The following RAB3GAP2 variants were observed in gnomAD, a reference collection of about 807,000 sequenced individuals.
RAB3GAP2 encodes RAB3 GTPase activating non-catalytic protein subunit 2, also known as rab3 GTPase-activating protein non-catalytic subunit.
A neutral mutation model predicts 185.3 loss-of-function variants in RAB3GAP2; 87 were observed. The ratio of observed to expected loss-of-function variants is 0.47; its 90% CI spans 0.39 to 0.56. RAB3GAP2 has a LOEUF of 0.56. Ranked by LOEUF, RAB3GAP2 falls within the 20% of genes least tolerant of loss-of-function variation. The pLI, the probability that RAB3GAP2 is intolerant of heterozygous loss-of-function variation, is 0.00. For missense variants in RAB3GAP2, 1,492 were observed against 1,638.2 expected (o/e 0.91, Z 1.54); for synonymous variants, 554 against 576.1 (o/e 0.96, Z 0.55).
Position 220,189,741 on chromosome 1 carries a change from A to T in RAB3GAP2, c.1741T>A (p.Leu581Ile). The T allele has an allele frequency of 6.5e-7, 1 of 1,539,090 alleles. No homozygotes were observed. Among genetic ancestry groups the T allele is most frequent in the Non-Finnish European group, 8.9e-7 (1 of 1,125,980 alleles). Reference protein sequence around the residue: ...LDLVETEIKELILDIKYPATK... With the variant: ...LDLVETEIKEIILDIKYPATK... The stretch of plus-strand genomic sequence containing the variant: ...GCAGGGTATTTAATATCAAGAATTA[A>T]TTCCTTTATTTCTGTTTCAACCAAA... Residue 581 changes from leucine (L) to isoleucine (I), a missense_variant, in exon 17 of 35, where the codon TTA (leucine) becomes ATA (isoleucine). Around this residue, in one of 5 missense-constraint regions of RAB3GAP2, gnomAD observed 681 missense variants for 689.1 expected, o/e 0.99. Transcript: ENST00000358951.
intron 4 of RAB3GAP2, chr1:220,211,385 T>C (rs1443364130): frequency 4.3e-6 from 2 of 466,052 alleles, no homozygotes; most frequent in Admixed American, 4.7e-5. Flanking sequence ...GCTAAGAACT[T>C]CAGCCTGCCT....
intron 2 of RAB3GAP2, among the ~76,000 whole-genome samples, chr1:220,227,333 G>T (rs1170739550): frequency 6.6e-6 from 1 of 152,082 alleles, no homozygotes; most frequent in Non-Finnish European, 1.5e-5. Context: ...ATCAGAATCA[G>T]AATCAACCTA....
chr1:220,204,601 A>G (rs1658925588), intron 8 of RAB3GAP2, among the ~76,000 whole-genome samples: 1 of 152,032 alleles, frequency 6.6e-6, no homozygotes, highest in Non-Finnish European at 1.5e-5. Context: ...TTTTTTTATT[A>G]TATTTTAAGT....
chr1:220,235,900 A>G (rs879381816), intron 1 of RAB3GAP2, among the ~76,000 whole-genome samples: 2 of 152,220 alleles, frequency 1.3e-5, no homozygotes, highest in South Asian at 2.1e-4. Context: ...CCCATTCTCA[A>G]TGCCCCTGAC....
At chr1:220,229,049 G>C (rs780031149) in intron 2 of RAB3GAP2, among the ~76,000 whole-genome samples, 88 of 152,152 alleles carry the variant, frequency 5.8e-4, no homozygotes, top group South Asian at 1.0e-3. Context: ...CCTAGATTTA[G>C]TATATCCTTG....
At chr1:220,220,077 C>T (rs1454572207) in intron 2 of RAB3GAP2, among the ~76,000 whole-genome samples, 1 of 152,196 alleles carries the variant, frequency 6.6e-6, no homozygotes, top group Non-Finnish European at 1.5e-5. Flanking sequence ...GGTAATTTCC[C>T]AAGCCACGCC....
At position 220,272,409 on chromosome 1, in the gene RAB3GAP2, G is replaced by C; in HGVS notation, c.-72C>G. On this transcript the variant is annotated 5_prime_UTR_variant, in exon 1 of 35. Transcript: ENST00000358951. Reference sequence around the variant, plus strand: ...CTGCCCCCTCCACCCCACTGCGGCCGCCACCGAGCCCCAATAGCTCTAGCC... The same window carrying C: ...CTGCCCCCTCCACCCCACTGCGGCCCCCACCGAGCCCCAATAGCTCTAGCC... 2.9e-6 allele frequency: 3 copies of C among 1,049,570 alleles called. No individual in the cohort carries two copies. Among genetic ancestry groups the C allele is most frequent in the Non-Finnish European group, 4.3e-6 (3 of 690,076 alleles). The allele number at this position is 1,049,570 out of a possible 1,614,324, so 65.0% of individuals were successfully genotyped here. A position where few individuals can be genotyped will look rare whatever the true frequency, so the allele number is the denominator to read the frequency against.
chr1:220,261,009 C>T (rs747416700), intron 1 of RAB3GAP2, among the ~76,000 whole-genome samples: 9 of 151,996 alleles, frequency 5.9e-5, no homozygotes, highest in Non-Finnish European at 1.3e-4. Context: ...GAGGTTTTAA[C>T]GTCTGAAAGG....
chr1:220,206,436 T>C (rs1461404111), intron 7 of RAB3GAP2, among the ~76,000 whole-genome samples: 7 of 152,196 alleles, frequency 4.6e-5, no homozygotes, highest in African/African-American at 1.7e-4. Context: ...TACTACTCAA[T>C]AGTATGTCAA....
chr1:220,254,692 G>T (rs1282924821), intron 1 of RAB3GAP2, among the ~76,000 whole-genome samples: 2 of 151,730 alleles, frequency 1.3e-5, no homozygotes, highest in African/African-American at 4.8e-5. Flanking sequence ...AATAAAAGGG[G>T]TAATAGCTCC....
At chr1:220,214,243 T>C (rs1455104808) in intron 2 of RAB3GAP2, among the ~76,000 whole-genome samples, 3 of 152,148 alleles carry the variant, frequency 2.0e-5, no homozygotes, top group Non-Finnish European at 2.9e-5. Context: ...ATTAAAAGAA[T>C]GTCACATAGT....
Position 220,254,312 on chromosome 1 carries a change from A to G in RAB3GAP2, c.115+17911T>C, listed in dbSNP as rs1011020676. On this transcript the variant is annotated intron_variant, in intron 1 of 34. Transcript: ENST00000358951. ...CCACAGTATGCCGAAATTCTTGCAG[A>G]TCATCCCGATGCACCCATGTCCCAG... The G allele has an allele frequency of 3.1e-6, 5 of 1,613,418 alleles. No individual in the cohort carries two copies. In the Admixed American group the frequency reaches 6.7e-5, roughly 22 times the overall value.
intron 9 of RAB3GAP2, among the ~76,000 whole-genome samples, chr1:220,198,318 T>G (rs1382211411): frequency 7.2e-5 from 11 of 152,198 alleles, no homozygotes; most frequent in African/African-American, 2.7e-4. Context: ...GACATAAAGC[T>G]TGGTCCAAAA....
rs370680755 is a variant in RAB3GAP2 at position 220,151,402 on chromosome 1, G to C, written c.4031C>G (p.Pro1344Arg). ...TLCTWLKAMD[P>R]QDLQNTEVPI... is the part of the protein sequence containing the mutation. ...CACTTCAGTGTTTTGAAGGTCCTGG[G>C]GGTCCTGCAAATGGGACACAAAAAT... The change falls in exon 35 of 35, where the codon CCC (proline) becomes CGC (arginine). Residue 1344 changes from proline (P) to arginine (R), a missense_variant. Pro to Arg is a moderately radical substitution (Grantham distance 103). Transcript: ENST00000358951. 2 of 1,613,918 alleles carry C rather than the reference G, an allele frequency of 1.2e-6. No homozygotes were observed. The highest frequency in any genetic ancestry group is 2.7e-5 in the African/African-American group (2 of 74,902).
intron 9 of RAB3GAP2, among the ~76,000 whole-genome samples, chr1:220,199,992 A>C (rs1192868182): frequency 6.6e-6 from 1 of 152,196 alleles, no homozygotes; most frequent in Non-Finnish European, 1.5e-5. Context: ...CTTAGAATCC[A>C]TCAGTGACAT....
Position 220,176,413 on chromosome 1 carries a change from C to G in RAB3GAP2, c.2311-3671G>C, listed in dbSNP as rs774334234. On this transcript the variant is annotated intron_variant, in intron 21 of 34. Transcript: ENST00000358951. ...ACAATAAGGTGGTTGATCTGTCCCC[C>G]TGAACTGACTTCCAGATTGAAGCCC... 1.1e-3 allele frequency among the ~76,000 whole-genome samples: 172 copies of G among 152,268 alleles called. 1 individual carries two copies. Among genetic ancestry groups the G allele is most frequent in the Admixed American group, 4.8e-3 (73 of 15,296 alleles).
At chr1:220,245,688 C>T (rs1659797893) in intron 1 of RAB3GAP2, among the ~76,000 whole-genome samples, 1 of 151,912 alleles carries the variant, frequency 6.6e-6, no homozygotes, top group Non-Finnish European at 1.5e-5. Flanking sequence ...GGCCTGCCTG[C>T]CTCTGTAGGC....
chr1:220,212,837 T>C, intron 4 of RAB3GAP2, 50 bp downstream of exon 4: 6 of 1,409,104 alleles, frequency 4.3e-6, no homozygotes, highest in Non-Finnish European at 6.0e-6. Flanking sequence ...GTCAAATAAT[T>C]TCATACATAC....
chr1:220,182,792 A>G lies in RAB3GAP2; in HGVS notation c.2138T>C (p.Phe713Ser). The change falls in exon 20 of 35, where the codon TTC (phenylalanine) becomes TCC (serine). Residue 713 changes from phenylalanine to serine, a missense_variant. By Grantham distance (155) the Phe-to-Ser change is radical. Around this residue, in one of 5 missense-constraint regions of RAB3GAP2, gnomAD observed 681 missense variants for 689.1 expected, o/e 0.99. Coordinates refer to ENST00000358951, the MANE Select transcript of RAB3GAP2 (RefSeq NM_012414.4). ...DKDGVLPVKT[F>S]LEYLEYEKDV... Reference sequence around the variant, plus strand: ...CTTTTCATATTCTAAATATTCCAAGAATGTTTTTACAGGCAACACACCATC... The same window carrying G: ...CTTTTCATATTCTAAATATTCCAAGGATGTTTTTACAGGCAACACACCATC... 6.2e-7 allele frequency: 1 copy of G among 1,613,250 alleles called. No individual in the cohort carries two copies. Among genetic ancestry groups the G allele is most frequent in the Non-Finnish European group, 8.5e-7 (1 of 1,179,740 alleles).
Sources: allele counts gnomAD v4.1 joint callset (sites outside exome capture counted in the v4.1 genomes callset), GRCh38; gene constraint gnomAD v4.1.1; regional missense constraint gnomAD v4.1.1; transcripts MANE v1.5; gene names NCBI Gene and HGNC (gene_info 2026-07-23, HGNC 2026-07-21).